Variants in SCN4A observed in about 807,000 individuals in gnomAD.
SCN4A encodes the protein sodium channel protein type 4 subunit alpha.
Under a neutral mutation model 162.0 loss-of-function variants are expected in SCN4A, and 83 were observed. The observed-to-expected ratio is 0.51, with a 90% confidence interval of 0.43 to 0.61. SCN4A has a LOEUF of 0.61. Among genes scored for constraint, SCN4A ranks in the 20% least tolerant of loss-of-function variants. SCN4A has a pLI of 0.00. For synonymous variants in SCN4A, 944 were observed against 985.1 expected, an observed-to-expected ratio of 0.96 and a Z score of 0.78; for missense variants, 2,196 against 2,462.5, an observed-to-expected ratio of 0.89 and a Z score of 2.29.
Position 63,972,809 on chromosome 17 carries a change from AG to A in SCN4A, c.32del (p.Pro11LeufsTer18). 1 of 1,613,332 alleles carries A rather than the reference AG, an allele frequency of 6.2e-7. No homozygotes were observed. The highest frequency in any genetic ancestry group is 8.5e-7 in the Non-Finnish European group (1 of 1,179,640). ...AGGGGCGCAAGCACTCAGGGCCCAG[AG>A]GCACCAGGGTGCACAGAGATGGTCT... is the stretch of plus-strand genomic sequence containing the variant. MARPSLCTLV[P>X]LGPECLRPFT... On this transcript the variant is annotated frameshift_variant, in exon 1 of 24. Transcript: ENST00000435607. LOFTEE classifies it high-confidence loss of function. The surrounding 1 kb of genome is among the most constrained non-coding windows in gnomAD (Gnocchi z 4.3).
intron 12 of SCN4A, among the ~76,000 whole-genome samples, chr17:63,958,942 C>T (rs1348567468): frequency 6.6e-6 from 1 of 152,214 alleles, no homozygotes; most frequent in Non-Finnish European, 1.5e-5. Flanking sequence ...TAATGAACTT[C>T]CAGAGCCCCG....
At chr17:63,954,879 C>T (rs1362576328) in intron 13 of SCN4A, among the ~76,000 whole-genome samples, 2 of 152,166 alleles carry the variant, frequency 1.3e-5, no homozygotes, top group Admixed American at 6.5e-5. Context: ...TGTACTGGTT[C>T]CAGACTCTGC....
chr17:63,965,273 A>C (rs1278085113), intron 8 of SCN4A, among the ~76,000 whole-genome samples: 1 of 152,000 alleles, frequency 6.6e-6, no homozygotes, highest in African/African-American at 2.4e-5. Flanking sequence ...CAAACTTCTG[A>C]CCTCAAGTGA....
At position 63,945,933 on chromosome 17, in the gene SCN4A, A is replaced by T. The variant is rs146096745; in HGVS notation, c.3442-295T>A. ...GCCTGGTCACAGGTCACCAGGCAGG[A>T]GACAAACACTCTTTGCTCAGCCCCC... On this transcript the variant is annotated intron_variant, in intron 18 of 23. Coordinates refer to ENST00000435607, the MANE Select transcript of SCN4A (RefSeq NM_000334.4). This position sits in a 1 kb window ranked among gnomAD's most constrained non-coding sequence, Gnocchi z 4.4. 7.2e-5 allele frequency among the ~76,000 whole-genome samples: 11 copies of T among 152,156 alleles called. No individual in the cohort carries two copies. The East Asian group carries it at 2.1e-3, about 29-fold the overall frequency.
Position 63,948,035 on chromosome 17 carries a change from C to T in SCN4A, c.3173G>A (p.Arg1058Gln), listed in dbSNP as rs760649578. ...LAFEDIYIEQ[R>Q]RVIRTILEYA... ...TTCTAGGATGGTGCGAATGACTCGC[C>T]GCTGCTCAATGTAGATGTCCTCGAA... The change falls in exon 17 of 24, where the codon CGG becomes CAG. Residue 1058 changes from arginine to glutamine, a missense_variant. Physicochemically the swap from Arg to Gln is conservative, Grantham distance 43. Transcript: ENST00000435607. 4.4e-5 allele frequency: 71 copies of T among 1,611,014 alleles called. No homozygotes were observed. In the Admixed American group the frequency reaches 6.8e-4, roughly 16 times the overall value.
At chr17:63,966,412 C>T (rs1192049030) in intron 7 of SCN4A, 69 bp downstream of exon 7, 2 of 1,481,534 alleles carry the variant, frequency 1.3e-6, no homozygotes, top group African/African-American at 2.8e-5. Flanking sequence ...CCCAGGTCCT[C>T]ATCTCTAATC....
In SCN4A at chr17:63,941,877, G is replaced by T; in HGVS notation, c.4405C>A (p.Arg1469=). 4 of 1,613,866 alleles carry T rather than the reference G, an allele frequency of 2.5e-6. No homozygotes were observed. Among genetic ancestry groups the T allele is most frequent in the Non-Finnish European group, 3.4e-6 (4 of 1,179,714 alleles). The change falls in exon 24 of 24, where the codon CGG becomes AGG. Residue 1469 remains arginine (R), a synonymous_variant. Coordinates refer to ENST00000435607, the MANE Select transcript of SCN4A (RefSeq NM_000334.4). The surrounding 1 kb of genome is among the most constrained non-coding windows in gnomAD (Gnocchi z 6.2). ...LRLIRGAKGI[R]TLLFALMMSL... ...ATCATGAGGGCGAACAGCAGCGTCCGGATGCCCTTGGCCCCGCGGATCAGC... is the reference window on the plus strand; with the variant it reads ...ATCATGAGGGCGAACAGCAGCGTCCTGATGCCCTTGGCCCCGCGGATCAGC...
At chr17:63,942,258 GGTGT>G (rs58036769) in intron 23 of SCN4A, among the ~76,000 whole-genome samples, 369 of 138,646 alleles carry the variant, frequency 2.7e-3, no homozygotes, top group South Asian at 0.013. Context: ...AAATGCCACT[GGTGT>G]GTGTGTGTGT....
At chr17:63,942,688 G>T in intron 23 of SCN4A, 138 bp downstream of exon 23, 1 of 868,358 alleles carries the variant, frequency 1.2e-6, no homozygotes, top group Non-Finnish European at 1.8e-6. Context: ...TGTGCATTGA[G>T]AGTGAATGGC....
In SCN4A at chr17:63,941,967, T is replaced by C; in HGVS notation, c.4315A>G (p.Lys1439Glu). 6.3e-7 allele frequency: 1 copy of C among 1,589,004 alleles called. No homozygotes were observed. The highest frequency in any genetic ancestry group is 8.6e-7 in the Non-Finnish European group (1 of 1,164,770). The change falls in exon 24 of 24, where the codon AAG (lysine) becomes GAG (glutamate). Residue 1439 changes from lysine (K) to glutamate (E), a missense_variant. Lys to Glu is a moderately conservative substitution (Grantham distance 56). Coordinates refer to ENST00000435607, the MANE Select transcript of SCN4A (RefSeq NM_000334.4). This position sits in a 1 kb window ranked among gnomAD's most constrained non-coding sequence, Gnocchi z 6.2. ...AACAGCGTGGGTGACACGAAGTACT[T>C]CTGGATCAGGTCAGAGAGGGCAAGG... ...VGLALSDLIQ[K>E]YFVSPTLFRV...
chr17:63,964,962 G>A (rs1441363565), intron 8 of SCN4A, among the ~76,000 whole-genome samples: 1 of 152,160 alleles, frequency 6.6e-6, no homozygotes, highest in Non-Finnish European at 1.5e-5. Context: ...ATGGGTTTGG[G>A]GTCAGCTTGA....
intron 11 of SCN4A, among the ~76,000 whole-genome samples, chr17:63,959,662 G>A (rs1057273352): frequency 6.6e-6 from 1 of 152,194 alleles, no homozygotes; most frequent in African/African-American, 2.4e-5. Context: ...TCTGAGACCC[G>A]TTCCCATTCA....
rs1908503415 is a variant in SCN4A, at chr17:63,940,970, A to T, written c.5312T>A (p.Leu1771Gln). Residue 1771 changes from leucine (L) to glutamine (Q), a missense_variant, in exon 24 of 24, where the codon CTG (leucine) becomes CAG (glutamine). Leu to Gln is a moderately radical substitution (Grantham distance 113). Transcript: ENST00000435607. Reference protein sequence around the residue: ...SGDDAPEKEGLLANTMSKMYG... With the variant: ...SGDDAPEKEGQLANTMSKMYG... ...CATCTTGCTCATGGTGTTGGCAAGC[A>T]GCCCCTCCTTCTCAGGGGCGTCATC... The T allele has an allele frequency of 6.2e-7, 1 of 1,613,224 alleles. No homozygotes were observed.
chr17:63,957,496 T>G lies in SCN4A; in HGVS notation c.2042A>C (p.Lys681Thr). 6.2e-7 allele frequency: 1 copy of G among 1,611,442 alleles called. No individual in the cohort carries two copies. Among genetic ancestry groups the G allele is most frequent in the South Asian group, 1.1e-5 (1 of 91,030 alleles). Residue 681 changes from lysine (K) to threonine (T), a missense_variant, in exon 13 of 24, where the codon AAG becomes ACG. Transcript: ENST00000435607. ...FRLLRVFKLA[K>T]SWPTLNMLIK... ...GAGCATGTTCAGCGTTGGCCACGAC[T>G]TGGCCAGCTTGAAGACCCGCAGCTG...
At chr17:63,955,261 G>A (rs963659033) in intron 13 of SCN4A, among the ~76,000 whole-genome samples, 1 of 152,168 alleles carries the variant, frequency 6.6e-6, no homozygotes, top group East Asian at 1.9e-4. Context: ...GAGAGAATTA[G>A]GGGCAATGCC....
chr17:63,967,716 T>A (rs1448774304), intron 6 of SCN4A, among the ~76,000 whole-genome samples: 2 of 151,798 alleles, frequency 1.3e-5, no homozygotes, highest in African/African-American at 2.4e-5. Context: ...GAAGATCACA[T>A]GAGGTCAGGA....
At position 63,948,137 on chromosome 17, in the gene SCN4A, C is replaced by G. The variant is rs1908787708; in HGVS notation, c.3145-74G>C. 4.7e-6 allele frequency: 6 copies of G among 1,288,828 alleles called. No homozygotes were observed. In the South Asian group the frequency reaches 8.8e-5, roughly 19 times the overall value. 79.8% of individuals were successfully genotyped at this position (1,288,828 alleles called of 1,614,324 possible). On this transcript the variant is annotated intron_variant, in intron 16 of 23. Coordinates refer to ENST00000435607, the MANE Select transcript of SCN4A (RefSeq NM_000334.4). ...TGGCAGCCAGGTCCCCTGCCCTGCT[C>G]TATGCTGCTGGTTCCCGGGGGTCTG...
Position 63,947,187 on chromosome 17 carries a change from G to C in SCN4A, c.3319-20C>G. The C allele has an allele frequency of 6.2e-7, 1 of 1,612,416 alleles. No homozygotes were observed. Among genetic ancestry groups the C allele is most frequent in the Non-Finnish European group, 8.5e-7 (1 of 1,179,756 alleles). ...GGAGACCTGCAGGGGAGGGGTGAGG[G>C]GATCAGTGCGTGCAAGGCCCCCAGC... On this transcript the variant is annotated intron_variant, in intron 17 of 23. Transcript: ENST00000435607.
chr17:63,945,268 CA>C lies in SCN4A; in HGVS notation c.3720+91del. On this transcript the variant is annotated intron_variant, in intron 19 of 23. Coordinates refer to ENST00000435607, the MANE Select transcript of SCN4A (RefSeq NM_000334.4). The surrounding 1 kb of genome is among the most constrained non-coding windows in gnomAD (Gnocchi z 4.4). ...GAAGCAGGGTGGGCGGTCCCCTAAC[CA>C]GGAGTGACACTGGGGTTGGGTACAA... The C allele has an allele frequency of 8.2e-7, 1 of 1,218,094 alleles. No individual in the cohort carries two copies. The highest frequency in any genetic ancestry group is 1.2e-6 in the Non-Finnish European group (1 of 849,870). 75.5% of individuals were successfully genotyped at this position (1,218,094 alleles called of 1,614,324 possible).
Sources: allele counts gnomAD v4.1 joint callset (sites outside exome capture counted in the v4.1 genomes callset), GRCh38; gene constraint gnomAD v4.1.1; non-coding constraint Gnocchi (gnomAD v3.1); transcripts MANE v1.5; gene names NCBI Gene and HGNC (gene_info 2026-07-23, HGNC 2026-07-21).